SLC6A20: variants seen among roughly 807,000 people sequenced by gnomAD.
SLC6A20 encodes the protein solute carrier family 6 member 20.
Under a neutral mutation model 64.3 loss-of-function variants are expected in SLC6A20, and 73 were observed. That is an observed-to-expected ratio of 1.14 (90% CI 0.94 to 1.38). The LOEUF is 1.38. Ranked by LOEUF, SLC6A20 falls within the 40% of genes most tolerant of loss-of-function variation. The pLI, the probability that SLC6A20 is intolerant of heterozygous loss-of-function variation, is 0.00. For missense variants in SLC6A20, 725 were observed against 772.8 expected, an observed-to-expected ratio of 0.94 and a Z score of 0.73; for synonymous variants, 347 against 329.6, an observed-to-expected ratio of 1.05 and a Z score of -0.57.
At chr3:45,780,145 TC>T (rs1203554916) in intron 2 of SLC6A20, 45 bp from the exon 3 acceptor site, 2 of 1,530,800 alleles carry the variant, frequency 1.3e-6, no homozygotes, top group East Asian at 2.4e-5. Context: ...GGATGGCCCT[TC>T]CCCCTCCGCC....
intron 4 of SLC6A20, 101 bp downstream of exon 4, chr3:45,775,660 A>G (rs1699951937): frequency 2.7e-6 from 3 of 1,119,128 alleles, no homozygotes; most frequent in Non-Finnish European, 3.8e-6. Context: ...TGCAGAGGGC[A>G]CTCCCTTGGC....
chr3:45,791,065 G>A (rs1700242288), intron 1 of SLC6A20, among the ~76,000 whole-genome samples: 1 of 152,198 alleles, frequency 6.6e-6, no homozygotes, highest in Admixed American at 6.5e-5. Context: ...CTCTTGAGCA[G>A]TTAGTCCTTC....
Position 45,759,962 on chromosome 3 carries a change from C to T in SLC6A20, c.1524G>A (p.Met508Ile). ...TCAGCAGTGGGCTTACGCCAGCCCA[C>T]ATCACCTTCCAGTACCAGCTCACAG... Reference protein sequence around the residue: ...GRAVSWYWKVMWAGVSPLLIV... With the variant: ...GRAVSWYWKVIWAGVSPLLIV... The change falls in exon 10 of 11, where the codon ATG becomes ATA. Residue 508 changes from methionine (M) to isoleucine (I), a missense_variant. Coordinates refer to ENST00000358525, the MANE Select transcript of SLC6A20 (RefSeq NM_020208.4). 2 of 1,614,200 alleles carry T rather than the reference C, an allele frequency of 1.2e-6. No individual in the cohort carries two copies. Among genetic ancestry groups the T allele is most frequent in the Non-Finnish European group, 1.7e-6 (2 of 1,180,038 alleles).
chr3:45,785,202 AC>A (rs1700150998), intron 1 of SLC6A20, among the ~76,000 whole-genome samples: 2 of 152,188 alleles, frequency 1.3e-5, no homozygotes, highest in African/African-American at 4.8e-5. Flanking sequence ...GAAGGGGTTG[AC>A]TACAAGGGGC....
At chr3:45,782,333 T>C in intron 1 of SLC6A20, 110 bp from the exon 2 acceptor site, 1 of 1,400,786 alleles carries the variant, frequency 7.1e-7, no homozygotes, top group East Asian at 2.6e-5. Flanking sequence ...TACTTGTCCA[T>C]GCATTCTCCT....
chr3:45,780,870 C>G (rs938448312), intron 2 of SLC6A20, among the ~76,000 whole-genome samples: 5 of 152,214 alleles, frequency 3.3e-5, no homozygotes, highest in African/African-American at 1.2e-4. Context: ...TCCCCACCCC[C>G]ACTCCACTCT....
intron 2 of SLC6A20, among the ~76,000 whole-genome samples, chr3:45,780,691 A>G (rs1391732556): frequency 6.6e-6 from 1 of 151,116 alleles, no homozygotes; most frequent in Non-Finnish European, 1.5e-5. Flanking sequence ...GAGCACAGAG[A>G]GGGGTGGGAG....
intron 1 of SLC6A20, among the ~76,000 whole-genome samples, chr3:45,782,444 A>G (rs1388359923): frequency 2.6e-5 from 4 of 151,330 alleles, no homozygotes; most frequent in African/African-American, 9.7e-5. Context: ...TCATCTATCT[A>G]TCTACTATTC....
At chr3:45,782,609 G>GTATTTCCA (rs1405373709) in intron 1 of SLC6A20, among the ~76,000 whole-genome samples, 1 of 137,658 alleles carries the variant, frequency 7.3e-6, no homozygotes, top group Non-Finnish European at 1.5e-5. Flanking sequence ...TCATCCATCC[G>GTATTTCCA]TATTTCCATA....
rs370921419 is a variant in SLC6A20 at position 45,764,905 on chromosome 3, G to T, written c.1303+632C>A. ...TCCACTGAGTTTGTACTTAAGAAAT[G>T]TACACTTTATAATGGTCATACTTCA... is the stretch of plus-strand genomic sequence containing the variant. On this transcript the variant is annotated intron_variant, in intron 8 of 10. Coordinates refer to ENST00000358525, the MANE Select transcript of SLC6A20 (RefSeq NM_020208.4). Among the ~76,000 whole-genome samples, 320 of 151,990 alleles carry T rather than the reference G, an allele frequency of 2.1e-3. 12 individuals carry two copies. In the South Asian group the frequency reaches 0.064, roughly 30 times the overall value.
At position 45,762,940 on chromosome 3, in the gene SLC6A20, G is replaced by GCAAT; in HGVS notation, c.1432_1435dup (p.Ala479AspfsTer13). ...CCTCAGCCCGTACACGTAGCACACGGCAATCGTCTCCACCAGCACGATGAG... is the reference window on the plus strand; with the variant it reads ...CCTCAGCCCGTACACGTAGCACACGGCAATCAATCGTCTCCACCAGCACGATGAG... On this transcript the variant is annotated frameshift_variant, in exon 9 of 11. Coordinates refer to ENST00000358525, the MANE Select transcript of SLC6A20 (RefSeq NM_020208.4). LOFTEE classifies it high-confidence loss of function. The GCAAT allele has an allele frequency of 6.2e-7, 1 of 1,614,120 alleles. No homozygotes were observed. The highest frequency in any genetic ancestry group is 8.5e-7 in the Non-Finnish European group (1 of 1,180,030).
intron 3 of SLC6A20, among the ~76,000 whole-genome samples, chr3:45,776,488 G>A (rs907090873): frequency 6.6e-6 from 1 of 152,138 alleles, no homozygotes; most frequent in African/African-American, 2.4e-5. Context: ...TTAAGCAGAT[G>A]AGAGTCTTAC....
chr3:45,770,941 T>C (rs1412143303), intron 6 of SLC6A20, among the ~76,000 whole-genome samples: 2 of 152,294 alleles, frequency 1.3e-5, no homozygotes, highest in Admixed American at 6.5e-5. Flanking sequence ...TGGTTACTTC[T>C]GAGGTGGGGG....
At chr3:45,777,847 G>A (rs933864821) in intron 3 of SLC6A20, among the ~76,000 whole-genome samples, 12 of 152,100 alleles carry the variant, frequency 7.9e-5, no homozygotes, top group African/African-American at 2.9e-4. Context: ...TGCTTCCCAG[G>A]CTTGGCTACA....
intron 3 of SLC6A20, among the ~76,000 whole-genome samples, chr3:45,777,267 A>G (rs2125647877): frequency 6.6e-6 from 1 of 152,286 alleles, no homozygotes; most frequent in Admixed American, 6.5e-5. Context: ...CCAGGTCTGC[A>G]CACCCAGACA....
rs1181923846 is a variant in SLC6A20 at position 45,771,340 on chromosome 3, T to C, written c.812A>G (p.Asn271Ser). ...AFASYNEPSN[N>S]CQKHAIIVSL... is the part of the protein sequence containing the mutation. ...CACGATGATGGCGTGCTTCTGGCAG[T>C]TGTTGGATGGCTCATTGTAGCTGGC... Residue 271 changes from asparagine (N) to serine (S), a missense_variant, in exon 6 of 11, where the codon AAC becomes AGC. Coordinates refer to ENST00000358525, the MANE Select transcript of SLC6A20 (RefSeq NM_020208.4). 6.2e-7 allele frequency: 1 copy of C among 1,614,260 alleles called. No individual in the cohort carries two copies. The highest frequency in any genetic ancestry group is 2.2e-5 in the East Asian group (1 of 44,894).
chr3:45,775,950 G>A lies in SLC6A20; in HGVS notation c.393C>T (p.Asn131=). The A allele has an allele frequency of 1.9e-6, 3 of 1,614,218 alleles. No homozygotes were observed. Among genetic ancestry groups the A allele is most frequent in the Non-Finnish European group, 2.5e-6 (3 of 1,180,036 alleles). The change falls in exon 4 of 11, where the codon AAC becomes AAT. Residue 131 remains asparagine, a synonymous_variant. Coordinates refer to ENST00000358525, the MANE Select transcript of SLC6A20 (RefSeq NM_020208.4). ...LPWSVCPLNG[N]HTGYDEECEK... The stretch of plus-strand genomic sequence containing the variant: ...CACACTCCTCATCGTAGCCCGTGTG[G>A]TTACCATTCAGTGGGCAGACAGACC...
intron 1 of SLC6A20, among the ~76,000 whole-genome samples, chr3:45,787,593 T>C (rs1700190869): frequency 6.6e-6 from 1 of 152,168 alleles, no homozygotes; most frequent in African/African-American, 2.4e-5. Flanking sequence ...CCTTAGGGTC[T>C]CACTGGATCT....
At chr3:45,777,895 C>T (rs1282621492) in intron 3 of SLC6A20, among the ~76,000 whole-genome samples, 2 of 152,186 alleles carry the variant, frequency 1.3e-5, no homozygotes, top group Non-Finnish European at 2.9e-5. Context: ...AGGCTGCACC[C>T]CCAGTGACTC....
Sources: allele counts gnomAD v4.1 joint callset (sites outside exome capture counted in the v4.1 genomes callset), GRCh38; gene constraint gnomAD v4.1.1; transcripts MANE v1.5; gene names NCBI Gene and HGNC (gene_info 2026-07-23, HGNC 2026-07-21).